Variants in CSMD3 observed in about 807,000 individuals in gnomAD.
CSMD3 encodes CUB and Sushi multiple domains 3.
In CSMD3, 177 loss-of-function variants were observed where a neutral mutation model predicts 435.2. That is an observed-to-expected ratio of 0.41 (90% CI 0.36 to 0.46). CSMD3 has a LOEUF of 0.46. CSMD3 is among the 20% of genes least tolerant of loss of function. The pLI is 0.34. For synonymous variants in CSMD3, 1,656 were observed against 1,520.5 expected (o/e 1.09, Z -2.07); for missense variants, 4,265 against 4,504.6 (o/e 0.95, Z 1.52).
chr8:112,518,431 C>T (rs1823910648), intron 27 of CSMD3, among the ~76,000 whole-genome samples: 1 of 151,938 alleles, frequency 6.6e-6, no homozygotes, highest in Admixed American at 6.6e-5. Flanking sequence ...CAGCTTGAGC[C>T]TAGGAGGTCA....
intron 61 of CSMD3, among the ~76,000 whole-genome samples, chr8:112,259,740 T>C (rs1351184148): frequency 6.6e-6 from 1 of 152,210 alleles, no homozygotes; most frequent in African/African-American, 2.4e-5. Context: ...TTCAAGTCCT[T>C]CTGGCAATGC....
chr8:113,389,666 A>C (rs2094453535), intron 1 of CSMD3, among the ~76,000 whole-genome samples: 1 of 151,926 alleles, frequency 6.6e-6, no homozygotes, highest in East Asian at 1.9e-4. Context: ...GTCTGAATTT[A>C]AATTCAGGCT....
At chr8:113,012,586 A>G (rs1175396772) in intron 6 of CSMD3, among the ~76,000 whole-genome samples, 1 of 151,794 alleles carries the variant, frequency 6.6e-6, no homozygotes, top group Non-Finnish European at 1.5e-5. Flanking sequence ...ATAAATGGTA[A>G]TTTTTTCGGC....
intron 10 of CSMD3, among the ~76,000 whole-genome samples, chr8:112,910,475 C>A (rs2082379194): frequency 6.6e-6 from 1 of 151,764 alleles, no homozygotes; most frequent in Non-Finnish European, 1.5e-5. Flanking sequence ...AACATTATAC[C>A]TTCATCGGCT....
intron 5 of CSMD3, among the ~76,000 whole-genome samples, chr8:113,072,253 A>C (rs2089153944): frequency 6.6e-6 from 1 of 151,760 alleles, no homozygotes; most frequent in Admixed American, 6.6e-5. Flanking sequence ...CTAAAGCATT[A>C]ATTTTACTTC....
intron 51 of CSMD3, among the ~76,000 whole-genome samples, chr8:112,305,583 G>T (rs1394980923): frequency 2.6e-5 from 4 of 151,984 alleles, no homozygotes; most frequent in Admixed American, 1.3e-4. Context: ...GTAAACAGAA[G>T]AATATCAACA....
chr8:113,221,879 A>C (rs900418864), intron 3 of CSMD3, among the ~76,000 whole-genome samples: 1 of 151,252 alleles, frequency 6.6e-6, no homozygotes, highest in African/African-American at 2.4e-5. Flanking sequence ...TTTGCTGTTT[A>C]CTTTTTATCT....
At chr8:112,302,320 T>A (rs578206278) in intron 52 of CSMD3, among the ~76,000 whole-genome samples, 1 of 152,098 alleles carries the variant, frequency 6.6e-6, no homozygotes, top group East Asian at 1.9e-4. Context: ...CTTTCTCTGC[T>A]TTATCAAGTA....
intron 27 of CSMD3, among the ~76,000 whole-genome samples, chr8:112,533,474 C>G (rs1172234147): frequency 6.6e-6 from 1 of 151,762 alleles, no homozygotes; most frequent in East Asian, 1.9e-4. Flanking sequence ...AGTAGCTATA[C>G]TTAGATAAAA....
At position 113,116,040 on chromosome 8, in the gene CSMD3, C is replaced by A. The variant is rs546100350; in HGVS notation, c.710-17077G>T. Among the ~76,000 whole-genome samples, 152 of 152,290 alleles carry A rather than the reference C, an allele frequency of 1.0e-3. 1 individual carries two copies. The highest frequency in any genetic ancestry group is 1.7e-3 in the Non-Finnish European group (119 of 68,028). ...TATCTGCCCACAGCTTGATCTTGGA[C>A]TTCCCTGTATCCAGGACAGTGAGAA... On this transcript the variant is annotated intron_variant, in intron 4 of 70. Transcript: ENST00000297405.
intron 10 of CSMD3, among the ~76,000 whole-genome samples, chr8:112,898,060 A>T (rs1474650558): frequency 6.6e-6 from 1 of 151,176 alleles, no homozygotes; most frequent in African/African-American, 2.4e-5. Context: ...TACTTCCATA[A>T]GTATAAATTA....
chr8:113,076,964 C>T (rs531903159), intron 5 of CSMD3, among the ~76,000 whole-genome samples: 1 of 151,894 alleles, frequency 6.6e-6, no homozygotes, highest in South Asian at 2.1e-4. Flanking sequence ...GAGAAGGTTG[C>T]CAGGTATTAG....
intron 12 of CSMD3, among the ~76,000 whole-genome samples, chr8:112,802,015 C>G (rs1409662611): frequency 1.3e-5 from 2 of 152,016 alleles, no homozygotes. Context: ...ACAACTAACA[C>G]TTGCAAGCTA....
chr8:112,562,115 A>G (rs1366134454), intron 24 of CSMD3, among the ~76,000 whole-genome samples: 4 of 151,628 alleles, frequency 2.6e-5, no homozygotes, highest in Non-Finnish European at 4.4e-5. Flanking sequence ...TCAAGATTCA[A>G]CCAAAATCTC....
At chr8:112,492,974 G>A (rs915536522) in intron 30 of CSMD3, among the ~76,000 whole-genome samples, 9 of 152,080 alleles carry the variant, frequency 5.9e-5, no homozygotes, top group Non-Finnish European at 1.3e-4. Flanking sequence ...GTGAATGTTA[G>A]TATCAGAAGG....
At chr8:112,583,492 T>C (rs570456665) in intron 23 of CSMD3, among the ~76,000 whole-genome samples, 39 of 152,136 alleles carry the variant, frequency 2.6e-4, no homozygotes, top group African/African-American at 8.9e-4. Context: ...AAACAAAATA[T>C]AGTTCATATA....
chr8:112,334,546 A>T (rs951193846), intron 45 of CSMD3, among the ~76,000 whole-genome samples: 2 of 152,184 alleles, frequency 1.3e-5, no homozygotes, highest in Non-Finnish European at 2.9e-5. Flanking sequence ...AATTAGTCTG[A>T]CAAAGTTATA....
At chr8:113,106,078 C>CT (rs1001141398) in intron 4 of CSMD3, among the ~76,000 whole-genome samples, 33 of 150,812 alleles carry the variant, frequency 2.2e-4, no homozygotes, top group African/African-American at 3.2e-4. Flanking sequence ...GGCTTATAGA[C>CT]TTTTTTTTTG....
At chr8:113,203,076 T>A (rs981934731) in intron 3 of CSMD3, among the ~76,000 whole-genome samples, 3 of 152,008 alleles carry the variant, frequency 2.0e-5, no homozygotes, top group Non-Finnish European at 4.4e-5. Flanking sequence ...TGACTGTACT[T>A]AACAATAATA....
Sources: allele counts gnomAD v4.1 joint callset (sites outside exome capture counted in the v4.1 genomes callset), GRCh38; gene constraint gnomAD v4.1.1; transcripts MANE v1.5; gene names NCBI Gene and HGNC (gene_info 2026-07-23, HGNC 2026-07-21).